SGMS2: variants seen among roughly 807,000 people sequenced by gnomAD.
SGMS2 encodes sphingomyelin synthase 2, also known as phosphatidylcholine:ceramide cholinephosphotransferase 2.
A neutral mutation model predicts 43.8 loss-of-function variants in SGMS2; 21 were observed. The ratio of observed to expected loss-of-function variants is 0.48; its 90% CI spans 0.34 to 0.69. The LOEUF (loss-of-function observed/expected upper bound fraction) is 0.69, where lower values mean the gene tolerates loss of function less well. Among genes scored for constraint, SGMS2 ranks in the 30% least tolerant of loss-of-function variants. SGMS2 has a pLI of 0.01. For missense variants in SGMS2, 384 were observed against 443.2 expected (o/e 0.87, Z 1.20); for synonymous variants, 167 against 160.6 (o/e 1.04, Z -0.30).
chr4:107,909,109 A>AT (rs113023546), intron 6 of SGMS2, among the ~76,000 whole-genome samples: 24,980 of 145,408 alleles, frequency 0.17, 2,252 homozygotes, highest in Middle Eastern at 0.24. Flanking sequence ...ATTTTTTTTA[A>AT]TTTTTTTTTT....
Position 107,910,527 on chromosome 4 carries a change from G to A in SGMS2, c.1072G>A (p.Gly358Ser), listed in dbSNP as rs1732037317. Residue 358 changes from glycine to serine, a missense_variant, in exon 7 of 7, where the codon GGT (glycine) becomes AGT (serine). Transcript: ENST00000690982. ...AAAGTATTCACGGGTTCAGAAGATTGGTGAAGACAATGAGAAATCGACCTG... is the reference window on the plus strand; with the variant it reads ...AAAGTATTCACGGGTTCAGAAGATTAGTGAAGACAATGAGAAATCGACCTG... The part of the protein sequence containing the change: ...CKKYSRVQKI[G>S]EDNEKST 2 of 1,613,926 alleles carry A rather than the reference G, an allele frequency of 1.2e-6. No individual in the cohort carries two copies. Among genetic ancestry groups the A allele is most frequent in the African/African-American group, 2.7e-5 (2 of 75,020 alleles).
At chr4:107,835,641 A>G (rs1219443216) in intron 1 of SGMS2, among the ~76,000 whole-genome samples, 2 of 152,154 alleles carry the variant, frequency 1.3e-5, no homozygotes, top group Admixed American at 6.6e-5. Flanking sequence ...CTTGGTTAAT[A>G]GTTTGCTTTG....
intron 3 of SGMS2, among the ~76,000 whole-genome samples, chr4:107,896,982 C>T (rs894124303): frequency 6.6e-6 from 1 of 152,174 alleles, no homozygotes; most frequent in Non-Finnish European, 1.5e-5. Context: ...AACTTGGATA[C>T]AATCTGAACA....
intron 2 of SGMS2, among the ~76,000 whole-genome samples, chr4:107,878,846 G>T (rs1219050123): frequency 6.6e-6 from 1 of 152,170 alleles, no homozygotes; most frequent in Non-Finnish European, 1.5e-5. Flanking sequence ...TCTAAAAAAA[G>T]AAGCCAGATT....
intron 6 of SGMS2, 94 bp downstream of exon 6, chr4:107,908,825 AC>A (rs1731836692): frequency 3.6e-6 from 4 of 1,103,888 alleles, no homozygotes; most frequent in Non-Finnish European, 5.2e-6. Flanking sequence ...AATGGGGATA[AC>A]CGATGTTGCC....
chr4:107,876,595 T>G (rs1366323001), intron 2 of SGMS2, among the ~76,000 whole-genome samples: 3 of 152,238 alleles, frequency 2.0e-5, no homozygotes, highest in Non-Finnish European at 4.4e-5. Flanking sequence ...GTATGAAATA[T>G]ATACACTGGT....
At chr4:107,877,444 G>T (rs1203982339) in intron 2 of SGMS2, among the ~76,000 whole-genome samples, 1 of 152,130 alleles carries the variant, frequency 6.6e-6, no homozygotes, top group Admixed American at 6.6e-5. Context: ...GATATATAAG[G>T]AAAGCTAGGA....
chr4:107,844,245 AC>A (rs1187825890), intron 1 of SGMS2, among the ~76,000 whole-genome samples: 1 of 151,566 alleles, frequency 6.6e-6, no homozygotes, highest in African/African-American at 2.4e-5. Flanking sequence ...AATCACTTGA[AC>A]CTGGGAGGTG....
chr4:107,841,951 C>T (rs1178640532), intron 1 of SGMS2, among the ~76,000 whole-genome samples: 2 of 151,654 alleles, frequency 1.3e-5, no homozygotes, highest in East Asian at 3.9e-4. Context: ...TATGCCTGAC[C>T]TTTAAAAAAA....
intron 1 of SGMS2, among the ~76,000 whole-genome samples, chr4:107,848,577 T>G (rs1476435406): frequency 1.3e-5 from 2 of 152,164 alleles, no homozygotes; most frequent in East Asian, 1.9e-4. Flanking sequence ...CTCACCAGCA[T>G]TTGGTGGTGT....
chr4:107,856,275 T>C (rs556366022), intron 1 of SGMS2, among the ~76,000 whole-genome samples: 1 of 152,336 alleles, frequency 6.6e-6, no homozygotes, highest in African/African-American at 2.4e-5. Context: ...TTAAAATGAA[T>C]GTAGTCTTAA....
chr4:107,847,367 T>G (rs996190325), intron 1 of SGMS2, among the ~76,000 whole-genome samples: 35 of 152,234 alleles, frequency 2.3e-4, no homozygotes, highest in South Asian at 6.2e-4. Context: ...TTATTAAATA[T>G]GGAATCCTTT....
chr4:107,838,484 G>A (rs757467142), intron 1 of SGMS2, among the ~76,000 whole-genome samples: 3 of 151,814 alleles, frequency 2.0e-5, no homozygotes, highest in Non-Finnish European at 4.4e-5. Flanking sequence ...TGAAATAATT[G>A]TGCATTTACA....
chr4:107,884,501 G>A (rs74417101), intron 2 of SGMS2, among the ~76,000 whole-genome samples: 1 of 14,280 alleles, frequency 7.0e-5, no homozygotes, highest in East Asian at 4.6e-3. Flanking sequence ...TTTAAACAAA[G>A]GGGGGGGAAA....
At chr4:107,897,849 GCTCT>G (rs955547933) in intron 3 of SGMS2, among the ~76,000 whole-genome samples, 4 of 152,086 alleles carry the variant, frequency 2.6e-5, no homozygotes, top group Non-Finnish European at 4.4e-5. Context: ...AATGTTGCTT[GCTCT>G]CTCTTTTAAA....
chr4:107,909,114 T>C (rs1303496460), intron 6 of SGMS2, among the ~76,000 whole-genome samples: 2 of 151,930 alleles, frequency 1.3e-5, no homozygotes, highest in Non-Finnish European at 2.9e-5. Context: ...TTTTAATTTT[T>C]TTTTTTTTTG....
chr4:107,842,284 T>C (rs189437375), intron 1 of SGMS2, among the ~76,000 whole-genome samples: 11 of 152,164 alleles, frequency 7.2e-5, no homozygotes, highest in Non-Finnish European at 1.2e-4. Context: ...TGCCAACATC[T>C]GCTTCTGGTG....
At chr4:107,878,021 T>C (rs906280790) in intron 2 of SGMS2, among the ~76,000 whole-genome samples, 4 of 150,890 alleles carry the variant, frequency 2.7e-5, no homozygotes, top group Non-Finnish European at 5.9e-5. Context: ...GTTTAAGTGA[T>C]TCTCCTGCCT....
At position 107,912,702 on chromosome 4, in the gene SGMS2, A is replaced by G. The variant is rs962251801; in HGVS notation, c.*2149A>G. On this transcript the variant is annotated 3_prime_UTR_variant, in exon 7 of 7. Coordinates refer to ENST00000690982, the MANE Select transcript of SGMS2 (RefSeq NM_001375905.1). ...AGTGTTTAAACTTAATAAAATAAAA[A>G]ATTGTGCACCAATTACTACAGATCC... The G allele has an allele frequency of 1.3e-5, 2 of 152,138 alleles. No individual in the cohort carries two copies. Among genetic ancestry groups the G allele is most frequent in the East Asian group, 3.8e-4 (2 of 5,196 alleles). The allele number at this position is 152,138 out of a possible 1,614,324, so 9.4% of individuals were successfully genotyped here.
Sources: gnomAD v4.1 joint callset for allele counts (sites outside exome capture counted in the v4.1 genomes callset) on GRCh38, gnomAD v4.1.1 for gene constraint, MANE v1.5 for transcripts, NCBI Gene and HGNC (gene_info 2026-07-23, HGNC 2026-07-21) for gene names.